The following TBC1D1 variants were observed in gnomAD, a reference collection of about 807,000 sequenced individuals.
TBC1D1 encodes the protein TBC1 domain family member 1, also known as TBC1 (tre-2/USP6, BUB2, cdc16) domain family, member 1.
In TBC1D1, 89 loss-of-function variants were observed where a neutral mutation model predicts 125.6. The observed-to-expected ratio is 0.71, with a 90% CI of 0.60 to 0.85. The LOEUF (loss-of-function observed/expected upper bound fraction) is 0.85, where lower values mean the gene tolerates loss of function less well. Ranked by LOEUF, TBC1D1 falls within the 40% of genes least tolerant of loss-of-function variation. The pLI, the probability that TBC1D1 is intolerant of heterozygous loss-of-function variation, is 0.00. For synonymous variants in TBC1D1, 565 were observed against 564.1 expected, an observed-to-expected ratio of 1.00 and a Z score of -0.02; for missense variants, 1,377 against 1,469.2, an observed-to-expected ratio of 0.94 and a Z score of 1.03.
At chr4:38,121,096 T>G (rs2152596267) in intron 17 of TBC1D1, among the ~76,000 whole-genome samples, 1 of 152,326 alleles carries the variant, frequency 6.6e-6, no homozygotes, top group South Asian at 2.1e-4. Context: ...GGTGACATGA[T>G]GCCGCGTGAT....
chr4:38,046,167 G>A (rs905826188), intron 10 of TBC1D1, among the ~76,000 whole-genome samples: 1 of 152,032 alleles, frequency 6.6e-6, no homozygotes. Context: ...AGATCGAGAC[G>A]CTCCTGGCTA....
At chr4:38,123,795 G>A (rs937049076) in intron 17 of TBC1D1, among the ~76,000 whole-genome samples, 1 of 152,222 alleles carries the variant, frequency 6.6e-6, no homozygotes. Flanking sequence ...AGAGGATCTC[G>A]AGGGCTATCC....
chr4:38,063,286 G>C (rs147668194), intron 12 of TBC1D1, among the ~76,000 whole-genome samples: 312 of 152,244 alleles, frequency 2.0e-3, no homozygotes, highest in Admixed American at 4.1e-3. Flanking sequence ...TCACTTTCAG[G>C]GCCTGGCAGG....
chr4:38,020,712 A>G lies in TBC1D1; in HGVS notation c.1077+17A>G, dbSNP rs772112320. 2.0e-5 allele frequency: 32 copies of G among 1,604,300 alleles called. No homozygotes were observed. The highest frequency in any genetic ancestry group is 5.5e-5 in the South Asian group (5 of 90,916). ...GAGGCTCTGGTGAGAGAGGACAAGC[A>G]ATTCTTACCTTGGAACCTTCTTTAC... On this transcript the variant is annotated intron_variant, in intron 5 of 19. Transcript: ENST00000261439.
At chr4:37,997,475 C>T (rs1010207170) in intron 2 of TBC1D1, among the ~76,000 whole-genome samples, 5 of 152,066 alleles carry the variant, frequency 3.3e-5, no homozygotes, top group African/African-American at 1.2e-4. Flanking sequence ...AGATTTTTTT[C>T]TTCTTTCCAA....
intron 12 of TBC1D1, among the ~76,000 whole-genome samples, chr4:38,058,096 G>A (rs984418746): frequency 2.6e-5 from 4 of 152,220 alleles, no homozygotes; most frequent in African/African-American, 4.8e-5. Flanking sequence ...TTTAATGTAC[G>A]TACTTGCCTT....
rs183820517 is a variant in TBC1D1 at position 38,068,003 on chromosome 4, A to T, written c.2050+13665A>T. On this transcript the variant is annotated intron_variant, in intron 12 of 19. Transcript: ENST00000261439. ...TGAGGGATTGTTCTCGCCTGACGAG[A>T]GGTCTGGATGATGAGAGAGCAGAGC... 1.1e-4 allele frequency among the ~76,000 whole-genome samples: 16 copies of T among 152,280 alleles called. No homozygotes were observed. In the East Asian group the frequency reaches 2.9e-3, roughly 28 times the overall value.
chr4:38,027,114 C>T (rs1745221406), intron 6 of TBC1D1, among the ~76,000 whole-genome samples: 2 of 152,160 alleles, frequency 1.3e-5, no homozygotes, highest in South Asian at 2.1e-4. Context: ...AATTTGGAGC[C>T]ACACAAACCT....
At chr4:37,913,326 C>G (rs993159704) in intron 2 of TBC1D1, among the ~76,000 whole-genome samples, 1 of 152,118 alleles carries the variant, frequency 6.6e-6, no homozygotes, top group Non-Finnish European at 1.5e-5. Context: ...GGGCTGGGCA[C>G]GGTGGCTCAG....
At chr4:37,892,699 C>T (rs1713614981) in intron 1 of TBC1D1, among the ~76,000 whole-genome samples, 1 of 152,070 alleles carries the variant, frequency 6.6e-6, no homozygotes, top group African/African-American at 2.4e-5. Flanking sequence ...TGTTATCTAC[C>T]CCACTGAGAG....
At chr4:37,975,234 G>A (rs1439068116) in intron 2 of TBC1D1, among the ~76,000 whole-genome samples, 1 of 152,192 alleles carries the variant, frequency 6.6e-6, no homozygotes, top group Non-Finnish European at 1.5e-5. Flanking sequence ...CCTGGCAGCC[G>A]AGGCAGAGAG....
intron 2 of TBC1D1, among the ~76,000 whole-genome samples, chr4:37,982,527 C>G (rs1488647969): frequency 1.3e-5 from 2 of 152,108 alleles, no homozygotes; most frequent in Non-Finnish European, 2.9e-5. Flanking sequence ...CAGCAGAGTT[C>G]CTGTGGAGCA....
At chr4:37,920,215 A>C (rs1720652599) in intron 2 of TBC1D1, among the ~76,000 whole-genome samples, 1 of 152,206 alleles carries the variant, frequency 6.6e-6, no homozygotes, top group Non-Finnish European at 1.5e-5. Context: ...TCGTTGAAGC[A>C]CTTAGAGTCC....
intron 2 of TBC1D1, chr4:38,006,793 T>C (rs1740366732): frequency 3.9e-6 from 2 of 507,694 alleles, no homozygotes; most frequent in African/African-American, 3.9e-5. Context: ...ACTATTTCTT[T>C]TATGCTGCTC....
chr4:38,035,055 C>T (rs1038360599), intron 7 of TBC1D1, among the ~76,000 whole-genome samples: 4 of 152,098 alleles, frequency 2.6e-5, no homozygotes, highest in Non-Finnish European at 4.4e-5. Flanking sequence ...AGTTAAAAGG[C>T]ATAGAGAGAA....
At chr4:37,996,061 C>T in intron 2 of TBC1D1, 1 of 515,062 alleles carries the variant, frequency 1.9e-6, no homozygotes, top group Admixed American at 2.0e-5. Flanking sequence ...TGAGGGAATC[C>T]TTTTGCAAGG....
At chr4:38,066,839 A>G (rs1753813858) in intron 12 of TBC1D1, among the ~76,000 whole-genome samples, 1 of 152,284 alleles carries the variant, frequency 6.6e-6, no homozygotes, top group South Asian at 2.1e-4. Flanking sequence ...TATCACTTCT[A>G]TATAAATGAA....
chr4:37,911,855 G>A (rs1361581638), intron 2 of TBC1D1, among the ~76,000 whole-genome samples: 1 of 152,178 alleles, frequency 6.6e-6, no homozygotes, highest in African/African-American at 2.4e-5. Flanking sequence ...TGGGAGAATA[G>A]GAGGAGGGCT....
intron 17 of TBC1D1, among the ~76,000 whole-genome samples, chr4:38,120,850 A>T (rs940851229): frequency 6.6e-6 from 1 of 152,152 alleles, no homozygotes; most frequent in African/African-American, 2.4e-5. Context: ...AAAATCTAAA[A>T]AACAGGACCT....
Sources: gnomAD v4.1 joint callset for allele counts (sites outside exome capture counted in the v4.1 genomes callset) on GRCh38, gnomAD v4.1.1 for gene constraint, MANE v1.5 for transcripts, NCBI Gene and HGNC (gene_info 2026-07-23, HGNC 2026-07-21) for gene names.